NCS1: variants seen among roughly 807,000 people sequenced by gnomAD.
NCS1 encodes the protein frequenin homolog.
Under a neutral mutation model 28.4 loss-of-function variants are expected in NCS1, and 6 were observed. The ratio of observed to expected loss-of-function variants is 0.21; its 90% CI spans 0.12 to 0.42. The LOEUF is 0.42. NCS1 is among the 10% of genes least tolerant of loss of function. The pLI is 1.00. For missense variants in NCS1, 131 were observed against 241.4 expected (o/e 0.54, Z 3.03); for synonymous variants, 86 against 99.3 (o/e 0.87, Z 0.79).
chr9:130,176,204 TTTTTTG>T (rs1166035108), intron 1 of NCS1, among the ~76,000 whole-genome samples: 1 of 137,516 alleles, frequency 7.3e-6, no homozygotes, highest in Non-Finnish European at 1.5e-5. Flanking sequence ...CTTTTTTTTT[TTTTTTG>T]GAGACAGGGT....
At chr9:130,182,066 T>C (rs1287485325) in intron 1 of NCS1, among the ~76,000 whole-genome samples, 6 of 151,774 alleles carry the variant, frequency 4.0e-5, no homozygotes, top group Non-Finnish European at 8.8e-5. Flanking sequence ...TGGGGGGAGA[T>C]GACAGCAATG....
At position 130,237,070 on chromosome 9, in the gene NCS1, G is replaced by T. The variant is rs1833604904; in HGVS notation, c.*4098G>T. Reference sequence around the variant, plus strand: ...GCTTGCAAAAACAAACAAACAAAAGGCAATGTCTTCTGGTTGTGGTTATTT... The same window carrying T: ...GCTTGCAAAAACAAACAAACAAAAGTCAATGTCTTCTGGTTGTGGTTATTT... On this transcript the variant is annotated 3_prime_UTR_variant, in exon 8 of 8. Transcript: ENST00000372398. 1 of 152,252 alleles carries T rather than the reference G, an allele frequency of 6.6e-6. No homozygotes were observed. The highest frequency in any genetic ancestry group is 1.5e-5 in the Non-Finnish European group (1 of 68,140). 9.4% of individuals were successfully genotyped at this position (152,252 alleles called of 1,614,324 possible). A position where few individuals can be genotyped will look rare whatever the true frequency, so the allele number is the denominator to read the frequency against.
rs1833084408 is a variant in NCS1 at position 130,209,657 on chromosome 9, G to A, written c.90-8175G>A. On this transcript the variant is annotated intron_variant, in intron 2 of 7. Coordinates refer to ENST00000372398, the MANE Select transcript of NCS1 (RefSeq NM_014286.4). This position sits in a 1 kb window ranked among gnomAD's most constrained non-coding sequence, Gnocchi z 4.4. ...GGAAGAGAAGGTGGGAGGTGTGGGAGGAGACCCAGCGCTGGCGTGGGAACT... is the reference window on the plus strand; with the variant it reads ...GGAAGAGAAGGTGGGAGGTGTGGGAAGAGACCCAGCGCTGGCGTGGGAACT... 6.6e-6 allele frequency among the ~76,000 whole-genome samples: 1 copy of A among 152,154 alleles called. No homozygotes were observed. Among genetic ancestry groups the A allele is most frequent in the African/African-American group, 2.4e-5 (1 of 41,426 alleles).
chr9:130,183,047 G>A (rs1301493755), intron 1 of NCS1, among the ~76,000 whole-genome samples: 9 of 152,304 alleles, frequency 5.9e-5, no homozygotes, highest in African/African-American at 2.2e-4. Context: ...CAGAAGGCTG[G>A]GATCTTTCCG....
chr9:130,189,555 G>T (rs2131125083), intron 1 of NCS1, among the ~76,000 whole-genome samples: 1 of 152,030 alleles, frequency 6.6e-6, no homozygotes, highest in East Asian at 1.9e-4. Flanking sequence ...TTTCCCCAGG[G>T]TCTTGGCCAG....
At chr9:130,221,401 TATATATATATATAGAGAGAGAGAGAGAG>T (rs1833293506) in intron 4 of NCS1, among the ~76,000 whole-genome samples, 2 of 45,082 alleles carry the variant, frequency 4.4e-5, no homozygotes, top group Non-Finnish European at 9.3e-5. Flanking sequence ...TATATATATA[TATATATATATATAGAGAGAGAGAGAGAG>T]AGAGAGAGAG....
At chr9:130,216,265 A>G (rs1169210220) in intron 2 of NCS1, among the ~76,000 whole-genome samples, 1 of 152,046 alleles carries the variant, frequency 6.6e-6, no homozygotes, top group Non-Finnish European at 1.5e-5. Context: ...TCACATTAGA[A>G]TGGGGGACAG....
intron 1 of NCS1, among the ~76,000 whole-genome samples, chr9:130,184,295 G>C (rs868953720): frequency 3.3e-5 from 5 of 152,022 alleles, no homozygotes; most frequent in African/African-American, 9.7e-5. Flanking sequence ...GGTGTCCGGG[G>C]CTCCTCTCAG....
At chr9:130,189,879 A>AATAT (rs1203988125) in intron 1 of NCS1, among the ~76,000 whole-genome samples, 74 of 37,732 alleles carry the variant, frequency 2.0e-3, no homozygotes, top group Middle Eastern at 0.016. Flanking sequence ...AAAAAAAAAA[A>AATAT]ATATATATAT....
rs1832591185 is a variant in NCS1, at chr9:130,177,593, G to C, written c.64+4866G>C. On this transcript the variant is annotated intron_variant, in intron 1 of 7. Coordinates refer to ENST00000372398, the MANE Select transcript of NCS1 (RefSeq NM_014286.4). This position sits in a 1 kb window ranked among gnomAD's most constrained non-coding sequence, Gnocchi z 4.4. ...CAGGAGAGACTGAGGTGGACTCTCG[G>C]CATCGGGATGGGCATCTGGGCAAGA... Among the ~76,000 whole-genome samples the C allele has an allele frequency of 6.6e-6, 1 of 152,226 alleles. No individual in the cohort carries two copies. Among genetic ancestry groups the C allele is most frequent in the African/African-American group, 2.4e-5 (1 of 41,460 alleles).
chr9:130,178,018 C>A (rs1247803051), intron 1 of NCS1, among the ~76,000 whole-genome samples: 1 of 152,142 alleles, frequency 6.6e-6, no homozygotes, highest in Non-Finnish European at 1.5e-5. Flanking sequence ...TGAGGGGAAC[C>A]TTTATTTATT....
chr9:130,195,651 T>C (rs1412306253), intron 1 of NCS1, among the ~76,000 whole-genome samples: 1 of 152,248 alleles, frequency 6.6e-6, no homozygotes, highest in African/African-American at 2.4e-5. Context: ...CTCGAACTCC[T>C]GGCCTCGAGT....
intron 2 of NCS1, among the ~76,000 whole-genome samples, chr9:130,210,705 G>A (rs1387813738): frequency 6.6e-6 from 1 of 152,116 alleles, no homozygotes; most frequent in Non-Finnish European, 1.5e-5. Context: ...AGACTCTGAG[G>A]GGAACCGTCA....
chr9:130,176,691 G>A (rs138336793), intron 1 of NCS1, among the ~76,000 whole-genome samples: 2 of 152,296 alleles, frequency 1.3e-5, no homozygotes, highest in African/African-American at 2.4e-5. Flanking sequence ...AGCGGCCTCC[G>A]CAGCCCCACT....
intron 1 of NCS1, among the ~76,000 whole-genome samples, chr9:130,183,575 G>A (rs1410761665): frequency 6.6e-6 from 1 of 152,142 alleles, no homozygotes; most frequent in Non-Finnish European, 1.5e-5. Flanking sequence ...TCCAGCTGTG[G>A]GGCCATGGCC....
intron 1 of NCS1, among the ~76,000 whole-genome samples, chr9:130,194,683 G>T (rs1475045818): frequency 3.9e-5 from 6 of 152,172 alleles, no homozygotes; most frequent in African/African-American, 1.4e-4. Flanking sequence ...GCTTCAAGTG[G>T]CCCTGACAGG....
chr9:130,191,700 T>G lies in NCS1; in HGVS notation c.65-9258T>G, dbSNP rs1832818117. Among the ~76,000 whole-genome samples the G allele has an allele frequency of 6.6e-6, 1 of 152,204 alleles. No individual in the cohort carries two copies. Among genetic ancestry groups the G allele is most frequent in the Non-Finnish European group, 1.5e-5 (1 of 68,024 alleles). ...CAGGCTGGTGCCGGGCAGACCGCAG[T>G]CAGCACCCGATGGCGACAGTGGCCG... On this transcript the variant is annotated intron_variant, in intron 1 of 7. Coordinates refer to ENST00000372398, the MANE Select transcript of NCS1 (RefSeq NM_014286.4). This position sits in a 1 kb window ranked among gnomAD's most constrained non-coding sequence, Gnocchi z 6.4.
chr9:130,228,217 C>T (rs1008147511), intron 7 of NCS1, among the ~76,000 whole-genome samples: 29 of 151,742 alleles, frequency 1.9e-4, no homozygotes, highest in African/African-American at 6.5e-4. Context: ...CTGGGTCTCA[C>T]TCTGTTACCC....
chr9:130,200,527 C>A (rs1280037095), intron 1 of NCS1: 6 of 1,546,986 alleles, frequency 3.9e-6, no homozygotes, highest in Admixed American at 2.0e-5. Context: ...CCCCCACCCC[C>A]CCACATAGGT....
Sources: gnomAD v4.1 joint callset for allele counts (sites outside exome capture counted in the v4.1 genomes callset) on GRCh38, gnomAD v4.1.1 for gene constraint, Gnocchi (gnomAD v3.1) non-coding constraint, MANE v1.5 for transcripts, NCBI Gene and HGNC (gene_info 2026-07-23, HGNC 2026-07-21) for gene names.